The following KCNIP4 variants were observed in gnomAD, a reference collection of about 807,000 sequenced individuals.
KCNIP4 encodes the protein Kv channel-interacting protein 4.
KCNIP4 carries 12 observed loss-of-function variants against 34.0 expected under a neutral mutation model. The ratio of observed to expected loss-of-function variants is 0.35; its 90% CI spans 0.23 to 0.57. KCNIP4 has a LOEUF of 0.57. KCNIP4 is among the 20% of genes least tolerant of loss of function. KCNIP4 has a pLI of 0.83. For synonymous variants in KCNIP4, 124 were observed against 102.2 expected, an observed-to-expected ratio of 1.21 and a Z score of -1.29; for missense variants, 238 against 311.7, an observed-to-expected ratio of 0.76 and a Z score of 1.78.
intron 1 of KCNIP4, among the ~76,000 whole-genome samples, chr4:21,583,188 T>C (rs1741365358): frequency 6.6e-6 from 1 of 151,948 alleles, no homozygotes; most frequent in Non-Finnish European, 1.5e-5. Context: ...TTAAGCATTA[T>C]GAACAATTTG....
chr4:20,951,970 C>T (rs1232828918), intron 1 of KCNIP4, among the ~76,000 whole-genome samples: 8 of 152,250 alleles, frequency 5.3e-5, no homozygotes, highest in African/African-American at 1.4e-4. Flanking sequence ...TAATAATATA[C>T]GCTTTGCTTA....
chr4:21,474,574 C>T (rs1730755201), intron 1 of KCNIP4, among the ~76,000 whole-genome samples: 1 of 152,128 alleles, frequency 6.6e-6, no homozygotes, highest in African/African-American at 2.4e-5. Context: ...GAAAGCCTTT[C>T]CCCAAAGCAT....
chr4:20,958,324 T>C (rs1733514615), intron 1 of KCNIP4, among the ~76,000 whole-genome samples: 1 of 152,154 alleles, frequency 6.6e-6, no homozygotes, highest in Admixed American at 6.5e-5. Context: ...TATTCCTTCA[T>C]TGAGAAAATG....
intron 3 of KCNIP4, among the ~76,000 whole-genome samples, chr4:20,831,109 T>C (rs1322459924): frequency 6.6e-6 from 1 of 152,194 alleles, no homozygotes; most frequent in African/African-American, 2.4e-5. Context: ...CCATAAAACC[T>C]AAAAAGTGTA....
intron 1 of KCNIP4, among the ~76,000 whole-genome samples, chr4:21,904,085 G>T (rs943407773): frequency 2.6e-5 from 4 of 152,046 alleles, no homozygotes; most frequent in African/African-American, 7.2e-5. Context: ...GAAACAGAAA[G>T]GGCCATGGGT....
At chr4:20,987,856 C>A (rs1736715295) in intron 1 of KCNIP4, among the ~76,000 whole-genome samples, 1 of 151,452 alleles carries the variant, frequency 6.6e-6, no homozygotes, top group South Asian at 2.1e-4. Context: ...AAAAAATTAG[C>A]CGGGCGTGGT....
chr4:21,139,092 C>G (rs966994532), intron 1 of KCNIP4, among the ~76,000 whole-genome samples: 1 of 152,084 alleles, frequency 6.6e-6, no homozygotes, highest in African/African-American at 2.4e-5. Context: ...ATTTTTTTAA[C>G]TTGGGTTTGC....
intron 1 of KCNIP4, among the ~76,000 whole-genome samples, chr4:20,968,565 G>T (rs544753552): frequency 6.3e-4 from 96 of 152,100 alleles, no homozygotes; most frequent in Middle Eastern, 3.4e-3. Flanking sequence ...AAGAAAATGT[G>T]GCACATATAC....
chr4:21,221,580 C>G (rs1757984263), intron 1 of KCNIP4, among the ~76,000 whole-genome samples: 1 of 152,064 alleles, frequency 6.6e-6, no homozygotes, highest in South Asian at 2.1e-4. Context: ...GGAACCGCAC[C>G]CATGATTCAA....
chr4:21,213,460 C>A (rs1757363207), intron 1 of KCNIP4, among the ~76,000 whole-genome samples: 1 of 151,976 alleles, frequency 6.6e-6, no homozygotes, highest in Non-Finnish European at 1.5e-5. Context: ...CACCACCATG[C>A]CCAGCTAATT....
At chr4:21,518,885 A>T (rs1560478606) in intron 1 of KCNIP4, among the ~76,000 whole-genome samples, 1 of 152,128 alleles carries the variant, frequency 6.6e-6, no homozygotes, top group Non-Finnish European at 1.5e-5. Flanking sequence ...AATCATGTTC[A>T]GTTTAAGTAA....
chr4:21,816,728 T>C (rs34460445), intron 1 of KCNIP4, among the ~76,000 whole-genome samples: 56,974 of 151,960 alleles, frequency 0.37, 12,462 homozygotes, highest in Non-Finnish European at 0.51. Flanking sequence ...ACCCCTATAA[T>C]TATTAGTTGA....
intron 3 of KCNIP4, among the ~76,000 whole-genome samples, chr4:20,798,272 A>C (rs1329623850): frequency 6.6e-6 from 1 of 152,240 alleles, no homozygotes; most frequent in Non-Finnish European, 1.5e-5. Context: ...GATACTCTGA[A>C]AGTTGTGAAA....
intron 1 of KCNIP4, among the ~76,000 whole-genome samples, chr4:21,725,510 A>C (rs1347744390): frequency 6.6e-6 from 1 of 152,210 alleles, no homozygotes; most frequent in African/African-American, 2.4e-5. Context: ...TCTATGATGC[A>C]TCTGGCTCTG....
chr4:21,047,857 T>C (rs566111238), intron 1 of KCNIP4, among the ~76,000 whole-genome samples: 9 of 152,238 alleles, frequency 5.9e-5, no homozygotes, highest in Non-Finnish European at 7.3e-5. Context: ...ATCTCATCTT[T>C]ACTCATTCTC....
At chr4:21,775,131 C>T (rs567973963) in intron 1 of KCNIP4, among the ~76,000 whole-genome samples, 3 of 152,150 alleles carry the variant, frequency 2.0e-5, no homozygotes, top group East Asian at 1.9e-4. Context: ...ACAGGGTTTT[C>T]GTGGAGGCCT....
chr4:21,627,534 C>G (rs1745425874), intron 1 of KCNIP4, among the ~76,000 whole-genome samples: 1 of 152,098 alleles, frequency 6.6e-6, no homozygotes, highest in South Asian at 2.1e-4. Context: ...CTGAATTACA[C>G]TCAATTATTT....
rs142308205 is a variant in KCNIP4 at position 21,515,839 on chromosome 4, T to C, written c.61+432732A>G. 2.7e-3 allele frequency among the ~76,000 whole-genome samples: 411 copies of C among 152,306 alleles called. 2 individuals are homozygous for C. The highest frequency in any genetic ancestry group is 9.5e-3 in the African/African-American group (394 of 41,586). On this transcript the variant is annotated intron_variant, in intron 1 of 8. Transcript: ENST00000382152. ...TGGGATGACACTACAAGAAGGCCCT[T>C]GCTTGATGTTCATCCTTCAGCCTTG...
intron 1 of KCNIP4, among the ~76,000 whole-genome samples, chr4:21,195,483 A>G (rs1755991572): frequency 6.6e-6 from 1 of 152,302 alleles, no homozygotes; most frequent in Non-Finnish European, 1.5e-5. Flanking sequence ...ACTGATGTTC[A>G]TTTGTGAGCC....
Sources: allele counts gnomAD v4.1 joint callset (sites outside exome capture counted in the v4.1 genomes callset), GRCh38; gene constraint gnomAD v4.1.1; transcripts MANE v1.5; gene names NCBI Gene and HGNC (gene_info 2026-07-23, HGNC 2026-07-21).